Variants in MAGI1 observed in about 807,000 individuals in gnomAD.
The protein encoded by MAGI1 is membrane-associated guanylate kinase, WW and PDZ domain-containing protein 1.
MAGI1 carries 58 observed loss-of-function variants against 139.9 expected under a neutral mutation model. That is an observed-to-expected ratio of 0.41 (90% confidence interval 0.34 to 0.52). The LOEUF is 0.52. MAGI1 is among the 20% of genes least tolerant of loss of function. The pLI is 0.12. For synonymous variants in MAGI1, 812 were observed against 737.9 expected (o/e 1.10, Z -1.63); for missense variants, 1,874 against 1,901.6 (o/e 0.99, Z 0.27).
chr3:65,584,774 T>C (rs1006968127), intron 2 of MAGI1, among the ~76,000 whole-genome samples: 1 of 152,240 alleles, frequency 6.6e-6, no homozygotes, highest in African/African-American at 2.4e-5. Flanking sequence ...CAAAACTATA[T>C]TTGTGATATT....
chr3:65,600,493 A>G (rs1004984211), intron 2 of MAGI1, among the ~76,000 whole-genome samples: 31 of 152,208 alleles, frequency 2.0e-4, no homozygotes, highest in Admixed American at 2.0e-3. Flanking sequence ...GACACACTCA[A>G]TCTCAAAAAC....
intron 1 of MAGI1, among the ~76,000 whole-genome samples, chr3:66,021,661 G>A (rs1288933690): frequency 6.6e-6 from 1 of 152,062 alleles, no homozygotes. Flanking sequence ...ACACCCCCAG[G>A]ATTCTGATCC....
intron 1 of MAGI1, among the ~76,000 whole-genome samples, chr3:65,960,336 T>C (rs552998323): frequency 2.0e-5 from 3 of 152,272 alleles, no homozygotes; most frequent in Non-Finnish European, 4.4e-5. Flanking sequence ...GCGTTAGCCT[T>C]CTGCTGGGAA....
At chr3:65,809,974 CCT>C (rs146092715) in intron 1 of MAGI1, among the ~76,000 whole-genome samples, 5,577 of 149,804 alleles carry the variant, frequency 0.037, 333 homozygotes, top group African/African-American at 0.13. Flanking sequence ...TCACATATAT[CCT>C]CTCTCTCTCT....
At chr3:65,439,808 G>C in intron 9 of MAGI1, 71 bp downstream of exon 9, 1 of 1,598,844 alleles carries the variant, frequency 6.3e-7, no homozygotes, top group African/African-American at 1.3e-5. Flanking sequence ...CTGACCACAC[G>C]AGGGTGTCAG....
intron 2 of MAGI1, chr3:65,620,109 C>T: frequency 3.0e-6 from 1 of 328,570 alleles, no homozygotes; most frequent in Non-Finnish European, 4.4e-6. Context: ...AAAATGTAAC[C>T]ATGGTAACAC....
Position 66,006,618 on chromosome 3 carries a change from T to C in MAGI1, c.313+31378A>G, listed in dbSNP as rs115194559. Among the ~76,000 whole-genome samples, 198 of 152,292 alleles carry C rather than the reference T, an allele frequency of 1.3e-3. 1 individual carries two copies. Among genetic ancestry groups the C allele is most frequent in the Non-Finnish European group, 2.3e-3 (157 of 68,026 alleles). ...TTTTCATCTGTTTAGACTCTGATCA[T>C]CCTATGGTACCAGAACTTTAAGGAG... On this transcript the variant is annotated intron_variant, in intron 1 of 22. Coordinates refer to ENST00000402939, the MANE Select transcript of MAGI1 (RefSeq NM_001033057.2).
rs1281536584 is a variant in MAGI1, at chr3:65,544,885, A to T, written c.431-51254T>A. Reference sequence around the variant, plus strand: ...ACCTGATGGGGTTATTTTGTAGATTAAGTAATACATGTGAGTGTGATTTAT... The same window carrying T: ...ACCTGATGGGGTTATTTTGTAGATTTAGTAATACATGTGAGTGTGATTTAT... On this transcript the variant is annotated intron_variant, in intron 2 of 22. Transcript: ENST00000402939. Among the ~76,000 whole-genome samples the T allele has an allele frequency of 2.0e-5, 3 of 152,244 alleles. No homozygotes were observed. In the East Asian group the frequency reaches 5.8e-4, roughly 29 times the overall value.
At position 65,875,499 on chromosome 3, in the gene MAGI1, C is replaced by G. The variant is rs573769529; in HGVS notation, c.313+162497G>C. The stretch of plus-strand genomic sequence containing the variant: ...GTTTTTTACAAAACCCTTAAGGCTA[C>G]TGAGGTTGCATGAGGAAATGGAAAA... On this transcript the variant is annotated intron_variant, in intron 1 of 22. Coordinates refer to ENST00000402939, the MANE Select transcript of MAGI1 (RefSeq NM_001033057.2). Among the ~76,000 whole-genome samples the G allele has an allele frequency of 1.7e-3, 264 of 152,290 alleles. 1 individual carries two copies. The highest frequency in any genetic ancestry group is 4.3e-3 in the Admixed American group (66 of 15,304).
chr3:65,821,999 T>C (rs966278267), intron 1 of MAGI1, among the ~76,000 whole-genome samples: 1 of 152,160 alleles, frequency 6.6e-6, no homozygotes, highest in African/African-American at 2.4e-5. Flanking sequence ...CATACAAAGA[T>C]GGAAAGCATC....
At chr3:65,374,657 A>G (rs1008193791) in intron 18 of MAGI1, among the ~76,000 whole-genome samples, 1 of 152,162 alleles carries the variant, frequency 6.6e-6, no homozygotes, top group Non-Finnish European at 1.5e-5. Context: ...TACAATGAGT[A>G]TTGGTATTTT....
intron 14 of MAGI1, among the ~76,000 whole-genome samples, chr3:65,384,740 T>C (rs1943311660): frequency 6.6e-6 from 1 of 151,250 alleles, no homozygotes; most frequent in South Asian, 2.1e-4. Context: ...CTCAAATAAA[T>C]AAACAAACAA....
chr3:65,395,636 CAAAAAA>C (rs58806140), intron 13 of MAGI1, among the ~76,000 whole-genome samples: 10 of 19,176 alleles, frequency 5.2e-4, no homozygotes, highest in South Asian at 1.9e-3. Flanking sequence ...GACTCCATCT[CAAAAAA>C]AAAAAAAAAA....
At chr3:65,830,908 G>A (rs1190534089) in intron 1 of MAGI1, among the ~76,000 whole-genome samples, 2 of 151,992 alleles carry the variant, frequency 1.3e-5, no homozygotes, top group Non-Finnish European at 1.5e-5. Context: ...CTATGGAGAG[G>A]GTGACATTGG....
intron 14 of MAGI1, among the ~76,000 whole-genome samples, chr3:65,390,117 A>G (rs9862463): frequency 0.97 from 147,992 of 152,250 alleles, 72,072 homozygotes; most frequent in East Asian, 1. Context: ...ACGGGAGGCC[A>G]GGGACCCACA....
intron 1 of MAGI1, among the ~76,000 whole-genome samples, chr3:65,666,748 A>G (rs746926569): frequency 6.6e-6 from 1 of 152,154 alleles, no homozygotes; most frequent in Non-Finnish European, 1.5e-5. Context: ...CCTCATGGCC[A>G]TCTCCACATT....
At chr3:65,744,669 A>G (rs1298991935) in intron 1 of MAGI1, among the ~76,000 whole-genome samples, 1 of 152,028 alleles carries the variant, frequency 6.6e-6, no homozygotes, top group Non-Finnish European at 1.5e-5. Flanking sequence ...ATGATAAGAA[A>G]GACTGTCAGG....
intron 1 of MAGI1, among the ~76,000 whole-genome samples, chr3:65,685,942 T>C (rs952014215): frequency 6.6e-6 from 1 of 152,164 alleles, no homozygotes; most frequent in Non-Finnish European, 1.5e-5. Flanking sequence ...TTCACAGGCC[T>C]CCACTTAACA....
At chr3:65,665,462 T>C (rs1292312925) in intron 1 of MAGI1, among the ~76,000 whole-genome samples, 1 of 152,206 alleles carries the variant, frequency 6.6e-6, no homozygotes, top group Non-Finnish European at 1.5e-5. Flanking sequence ...AGGAAAGTGT[T>C]CAACCCTTCT....
Sources: allele counts gnomAD v4.1 joint callset (sites outside exome capture counted in the v4.1 genomes callset), GRCh38; gene constraint gnomAD v4.1.1; transcripts MANE v1.5; gene names NCBI Gene and HGNC (gene_info 2026-07-23, HGNC 2026-07-21).